WWOX: variants seen among roughly 807,000 people sequenced by gnomAD.
WWOX encodes WW domain containing oxidoreductase, also known as WW domain-containing oxidoreductase.
WWOX carries 69 observed loss-of-function variants against 46.2 expected under a neutral mutation model. The observed-to-expected ratio is 1.49, with a 90% CI of 1.23 to 1.82. WWOX has a LOEUF of 1.82. Among genes scored for constraint, WWOX ranks in the 40% most tolerant of loss-of-function variants. The pLI is 0.00. For synonymous variants in WWOX, 359 were observed against 202.6 expected, an observed-to-expected ratio of 1.77 and a Z score of -6.56; for missense variants, 919 against 542.6, an observed-to-expected ratio of 1.69 and a Z score of -6.89.
intron 5 of WWOX, among the ~76,000 whole-genome samples, chr16:78,233,686 C>T (rs1229501536): frequency 1.3e-5 from 2 of 152,058 alleles, no homozygotes; most frequent in Non-Finnish European, 1.5e-5. Context: ...GCCACTACAC[C>T]TGGCTAATTT....
At chr16:78,108,279 T>G in intron 1 of WWOX, 144 bp from the exon 2 acceptor site, 1 of 781,234 alleles carries the variant, frequency 1.3e-6, no homozygotes, top group Non-Finnish European at 2.1e-6. Context: ...ACCCCGTAGC[T>G]GGGGTCACAG....
intron 5 of WWOX, among the ~76,000 whole-genome samples, chr16:78,380,209 G>A (rs926520076): frequency 2.0e-5 from 3 of 152,124 alleles, no homozygotes; most frequent in Non-Finnish European, 2.9e-5. Flanking sequence ...TGCCATGAGG[G>A]CTTCTAAGGG....
chr16:78,235,303 A>G (rs1317456614), intron 5 of WWOX, among the ~76,000 whole-genome samples: 2 of 151,892 alleles, frequency 1.3e-5, no homozygotes, highest in African/African-American at 2.4e-5. Flanking sequence ...TCTTTTGGAG[A>G]GGATGTGTCA....
Position 78,230,124 on chromosome 16 carries a change from C to T in WWOX, c.516+65835C>T, listed in dbSNP as rs189976258. ...CGATCTCCTGGGCTCTAGCAATCCT[C>T]CCACCTCGGCCTCCCAAAGTGTTGG... On this transcript the variant is annotated intron_variant, in intron 5 of 8. Transcript: ENST00000566780. Among the ~76,000 whole-genome samples, 58 of 151,794 alleles carry T rather than the reference C, an allele frequency of 3.8e-4. 2 individuals are homozygous for T. In the East Asian group the frequency reaches 9.7e-3, roughly 26 times the overall value.
At chr16:78,619,085 C>T (rs1292447158) in intron 8 of WWOX, among the ~76,000 whole-genome samples, 4 of 129,346 alleles carry the variant, frequency 3.1e-5, no homozygotes, top group South Asian at 2.7e-4. Context: ...CACTGGAGGT[C>T]GGGAATTTGA....
chr16:78,153,125 G>A (rs72804923), intron 4 of WWOX, among the ~76,000 whole-genome samples: 20,626 of 152,104 alleles, frequency 0.14, 1,516 homozygotes, highest in South Asian at 0.2. Context: ...TTGGAACTCA[G>A]AACTATGTAA....
intron 8 of WWOX, among the ~76,000 whole-genome samples, chr16:79,057,422 A>G (rs1466228477): frequency 6.6e-6 from 1 of 152,228 alleles, no homozygotes; most frequent in Admixed American, 6.5e-5. Flanking sequence ...TTTGCTAAGC[A>G]TTAGTTTCTT....
rs547215595 is a variant in WWOX, at chr16:78,515,615, G to A, written c.1056+82863G>A. On this transcript the variant is annotated intron_variant, in intron 8 of 8. Transcript: ENST00000566780. The stretch of plus-strand genomic sequence containing the variant: ...GCTATCTCTGTGCAGAGCCAGGCCG[G>A]ATGCCTAGGTGAGATGGAAAGCTTC... Among the ~76,000 whole-genome samples the A allele has an allele frequency of 1.5e-4, 23 of 152,276 alleles. No homozygotes were observed. The South Asian group carries it at 4.6e-3, about 30-fold the overall frequency.
At chr16:79,172,501 C>G (rs927715535) in intron 8 of WWOX, among the ~76,000 whole-genome samples, 2 of 152,076 alleles carry the variant, frequency 1.3e-5, no homozygotes, top group Non-Finnish European at 2.9e-5. Context: ...AGAGTAGGCC[C>G]TACATAAATG....
In WWOX at chr16:78,350,702, CACGG is replaced by C. The variant is rs1231636581; in HGVS notation, c.517-36155_517-36152del. Among the ~76,000 whole-genome samples the C allele has an allele frequency of 1.6e-5, 2 of 121,218 alleles. 1 individual carries two copies. Among genetic ancestry groups the C allele is most frequent in the Non-Finnish European group, 3.9e-5 (2 of 50,728 alleles). The allele number at this position is 121,218 out of a possible 152,430, so 79.5% of individuals were successfully genotyped here. A position where few individuals can be genotyped will look rare whatever the true frequency, so the allele number is the denominator to read the frequency against. On this transcript the variant is annotated intron_variant, in intron 5 of 8. Transcript: ENST00000566780. ...CCACATTTCATCTATGCATTCAGTT[CACGG>C]ACATGTAGGTTGTTTCCACATTTTG...
chr16:79,070,917 A>G (rs554826146), intron 8 of WWOX, among the ~76,000 whole-genome samples: 1 of 152,204 alleles, frequency 6.6e-6, no homozygotes, highest in Admixed American at 6.5e-5. Flanking sequence ...CACTCAGCAC[A>G]GAACATTTTG....
chr16:78,145,541 G>A (rs965257921), intron 4 of WWOX, among the ~76,000 whole-genome samples: 4 of 152,096 alleles, frequency 2.6e-5, no homozygotes, highest in African/African-American at 7.2e-5. Flanking sequence ...CTCTTGGCTC[G>A]CTGGCAGCTG....
intron 8 of WWOX, among the ~76,000 whole-genome samples, chr16:79,111,194 G>A (rs935377810): frequency 3.9e-5 from 6 of 152,118 alleles, no homozygotes; most frequent in South Asian, 2.1e-4. Context: ...TCTCTTATTC[G>A]TGCATCTTTA....
Position 78,921,237 on chromosome 16 carries a change from C to T in WWOX, c.1057-290371C>T, listed in dbSNP as rs142541660. ...GAGCTGTTTGAAAAGACATTAGCCT[C>T]GAAACCGCACTGTGCCAGAATAGAT... On this transcript the variant is annotated intron_variant, in intron 8 of 8. Coordinates refer to ENST00000566780, the MANE Select transcript of WWOX (RefSeq NM_016373.4). Among the ~76,000 whole-genome samples the T allele has an allele frequency of 1.7e-4, 26 of 152,206 alleles. No individual in the cohort carries two copies. The East Asian group carries it at 4.1e-3, about 24-fold the overall frequency.
intron 8 of WWOX, among the ~76,000 whole-genome samples, chr16:78,945,986 C>G (rs1370919377): frequency 6.6e-6 from 1 of 152,150 alleles, no homozygotes; most frequent in Admixed American, 6.5e-5. Context: ...CTGCCTTCCT[C>G]ACAGGCTTGC....
At chr16:78,290,276 T>A (rs113202195) in intron 5 of WWOX, among the ~76,000 whole-genome samples, 3,153 of 147,602 alleles carry the variant, frequency 0.021, 129 homozygotes, top group African/African-American at 0.074. Flanking sequence ...AGCTCCCTCC[T>A]CGTTCCCCCC....
At chr16:78,266,054 C>G (rs369019713) in intron 5 of WWOX, 3 of 152,282 alleles carry the variant, frequency 2.0e-5, no homozygotes, top group South Asian at 4.1e-4. Flanking sequence ...CTGTCTCACA[C>G]TAAAGGTGAA....
At chr16:78,789,232 T>C (rs1001876492) in intron 8 of WWOX, among the ~76,000 whole-genome samples, 1 of 152,184 alleles carries the variant, frequency 6.6e-6, no homozygotes, top group Non-Finnish European at 1.5e-5. Flanking sequence ...AAAAGAGTTT[T>C]TCCCTGAAAC....
chr16:78,946,436 T>C (rs1275638173), intron 8 of WWOX, among the ~76,000 whole-genome samples: 1 of 152,108 alleles, frequency 6.6e-6, no homozygotes, highest in Non-Finnish European at 1.5e-5. Flanking sequence ...GTTGATCTGC[T>C]CACGTCGGCC....
Sources: allele counts gnomAD v4.1 joint callset (sites outside exome capture counted in the v4.1 genomes callset), GRCh38; gene constraint gnomAD v4.1.1; transcripts MANE v1.5; gene names NCBI Gene and HGNC (gene_info 2026-07-23, HGNC 2026-07-21).